Variants in NOS1 observed in about 807,000 individuals in gnomAD.
NOS1 encodes NOS type I.
In NOS1, 51 loss-of-function variants were observed where a neutral mutation model predicts 164.5. That is an observed-to-expected ratio of 0.31 (90% CI 0.25 to 0.39). The LOEUF is 0.39. Ranked by LOEUF, NOS1 falls within the 10% of genes least tolerant of loss-of-function variation. The pLI, the probability that NOS1 is intolerant of heterozygous loss-of-function variation, is 1.00. For missense variants in NOS1, 1,362 were observed against 1,885.6 expected, an observed-to-expected ratio of 0.72 and a Z score of 5.14; for synonymous variants, 719 against 745.8, an observed-to-expected ratio of 0.96 and a Z score of 0.59.
At position 117,208,821 on chromosome 12, in the gene NOS1, C is replaced by T; in HGVS notation, c.*6488G>A. 1 of 791,912 alleles carries T rather than the reference C, an allele frequency of 1.3e-6. No homozygotes were observed. The highest frequency in any genetic ancestry group is 1.5e-6 in the Non-Finnish European group (1 of 653,904). The allele number at this position is 791,912 out of a possible 1,614,324, so 49.1% of individuals were successfully genotyped here. On this transcript the variant is annotated 3_prime_UTR_variant, in exon 29 of 29. Coordinates refer to ENST00000317775, the MANE Select transcript of NOS1 (RefSeq NM_000620.5). ...CACTGCAGCCTCTGCCTCCTGGGTT[C>T]AAGTAATTCTCCTGCCTCAGCCTCC...
intron 3 of NOS1, among the ~76,000 whole-genome samples, chr12:117,301,415 T>A (rs1873806907): frequency 6.6e-6 from 1 of 152,184 alleles, no homozygotes; most frequent in South Asian, 2.1e-4. Context: ...AGGCATGAGC[T>A]ACACCTGGCC....
chr12:117,312,484 C>A (rs1044584190), intron 2 of NOS1, among the ~76,000 whole-genome samples: 7 of 152,192 alleles, frequency 4.6e-5, no homozygotes, highest in Admixed American at 2.6e-4. Flanking sequence ...GGCACAATCA[C>A]AACTCTCTGC....
At chr12:117,339,589 T>G in intron 1 of NOS1, among the ~76,000 whole-genome samples, 1 of 152,224 alleles carries the variant, frequency 6.6e-6, no homozygotes, top group East Asian at 1.9e-4. Context: ...CTTTGCAGGG[T>G]TCTGAATATC....
chr12:117,213,660 A>C lies in NOS1; in HGVS notation c.*1649T>G, dbSNP rs1956561236. 1.0e-6 allele frequency: 1 copy of C among 985,466 alleles called. No individual in the cohort carries two copies. The highest frequency in any genetic ancestry group is 1.7e-5 in the African/African-American group (1 of 57,374). The allele number at this position is 985,466 out of a possible 1,614,324, so 61.0% of individuals were successfully genotyped here. A position where few individuals can be genotyped will look rare whatever the true frequency, so the allele number is the denominator to read the frequency against. On this transcript the variant is annotated 3_prime_UTR_variant, in exon 29 of 29. Transcript: ENST00000317775. ...TAGCAGACACCCAAACTGAACAACAAGATATGCCCACGTACAGTATATAAA... is the reference window on the plus strand; with the variant it reads ...TAGCAGACACCCAAACTGAACAACACGATATGCCCACGTACAGTATATAAA...
At chr12:117,246,824 A>G (rs1404430668) in intron 18 of NOS1, among the ~76,000 whole-genome samples, 1 of 152,204 alleles carries the variant, frequency 6.6e-6, no homozygotes, top group Admixed American at 6.5e-5. Context: ...TTTTTTATGG[A>G]TGAAGAATAT....
At chr12:117,258,325 C>G in intron 16 of NOS1, 72 bp downstream of exon 16, 2 of 1,472,852 alleles carry the variant, frequency 1.4e-6, no homozygotes, top group Non-Finnish European at 9.5e-7. Flanking sequence ...AAATGTGAAC[C>G]CCAGGTGCCA....
At position 117,243,567 on chromosome 12, in the gene NOS1, A is replaced by ATCCG. The variant is rs888532119; in HGVS notation, c.2824-133_2824-132insCGGA. 2 of 808,256 alleles carry ATCCG rather than the reference A, an allele frequency of 2.5e-6. No individual in the cohort carries two copies. Among genetic ancestry groups the ATCCG allele is most frequent in the Non-Finnish European group, 3.9e-6 (2 of 515,554 alleles). The allele number at this position is 808,256 out of a possible 1,614,324, so 50.1% of individuals were successfully genotyped here. A position where few individuals can be genotyped will look rare whatever the true frequency, so the allele number is the denominator to read the frequency against. ...TATCCAACCATCCATCCATCCATCC[A>ATCCG]TCCATCCATCCATCCATCCATCCAG... On this transcript the variant is annotated intron_variant, in intron 18 of 28. Coordinates refer to ENST00000317775, the MANE Select transcript of NOS1 (RefSeq NM_000620.5). This position sits in a 1 kb window ranked among gnomAD's most constrained non-coding sequence, Gnocchi z 4.3.
rs1350043587 is a variant in NOS1 at position 117,268,134 on chromosome 12, T to C, written c.1850A>G (p.Lys617Arg). The C allele has an allele frequency of 1.2e-6, 2 of 1,613,166 alleles. No homozygotes were observed. The highest frequency in any genetic ancestry group is 3.3e-5 in the Admixed American group (2 of 60,022). The stretch of plus-strand genomic sequence containing the variant: ...CTTCCTCATGTCTAAGTTCATCTTC[T>C]TGGCCACTTCCTGAAAGAGGAAGGA... ...SRYNILEEVA[K>R]KMNLDMRKTS... The change falls in exon 11 of 29, where the codon AAG becomes AGG. Residue 617 changes from lysine (K) to arginine (R), a missense_variant. By Grantham distance (26) the Lys-to-Arg change is conservative. Coordinates refer to ENST00000317775, the MANE Select transcript of NOS1 (RefSeq NM_000620.5).
chr12:117,208,473 G>C lies in NOS1; in HGVS notation c.*6836C>G. On this transcript the variant is annotated 3_prime_UTR_variant, in exon 29 of 29. Coordinates refer to ENST00000317775, the MANE Select transcript of NOS1 (RefSeq NM_000620.5). ...CTCCCCAGCTTCCCAAGCCCGGAAC[G>C]GACACTGCGACGTGGGGTGCCCGGC... 1 of 1,270,324 alleles carries C rather than the reference G, an allele frequency of 7.9e-7. No homozygotes were observed. Among genetic ancestry groups the C allele is most frequent in the Non-Finnish European group, 1.0e-6 (1 of 977,708 alleles). The allele number at this position is 1,270,324 out of a possible 1,614,324, so 78.7% of individuals were successfully genotyped here.
intron 3 of NOS1, among the ~76,000 whole-genome samples, chr12:117,298,717 G>A (rs1011038090): frequency 1.3e-5 from 2 of 152,154 alleles, no homozygotes; most frequent in Non-Finnish European, 1.5e-5. Context: ...TACAAGCCAA[G>A]GAGGGAGGAC....
intron 1 of NOS1, among the ~76,000 whole-genome samples, chr12:117,354,370 C>G (rs1384843330): frequency 2.0e-5 from 3 of 152,072 alleles, no homozygotes; most frequent in African/African-American, 7.2e-5. Context: ...ATATTAGAAG[C>G]AAAATGATAA....
Position 117,234,121 on chromosome 12 carries a change from C to T in NOS1, c.3235+444G>A, listed in dbSNP as rs558545074. On this transcript the variant is annotated intron_variant, in intron 21 of 28. Coordinates refer to ENST00000317775, the MANE Select transcript of NOS1 (RefSeq NM_000620.5). The surrounding 1 kb of genome is among the most constrained non-coding windows in gnomAD (Gnocchi z 4.3). The stretch of plus-strand genomic sequence containing the variant: ...GAACTTGACCTAATGAGGTAAAAAA[C>T]GTGGGCTCAATCCCTAGTTGGCCAT... 2.0e-5 allele frequency among the ~76,000 whole-genome samples: 3 copies of T among 152,278 alleles called. No homozygotes were observed. Among genetic ancestry groups the T allele is most frequent in the East Asian group, 3.9e-4 (2 of 5,178 alleles).
intron 9 of NOS1, among the ~76,000 whole-genome samples, chr12:117,277,302 G>A (rs764664934): frequency 1.3e-5 from 2 of 151,866 alleles, no homozygotes; most frequent in East Asian, 3.9e-4. Flanking sequence ...TTGAAAATGT[G>A]GGTCAGGTAC....
intron 5 of NOS1, 86 bp downstream of exon 5, chr12:117,287,988 C>T (rs2136022192): frequency 2.0e-6 from 3 of 1,526,610 alleles, no homozygotes; most frequent in East Asian, 2.3e-5. Flanking sequence ...TGTGCCTTGG[C>T]CTTGGTTTGC....
intron 1 of NOS1, among the ~76,000 whole-genome samples, chr12:117,339,984 C>T (rs1199005023): frequency 6.6e-6 from 1 of 152,068 alleles, no homozygotes; most frequent in East Asian, 1.9e-4. Context: ...ATTGTATATT[C>T]CTTCATATTA....
At chr12:117,267,485 G>T (rs930849413) in intron 11 of NOS1, among the ~76,000 whole-genome samples, 22 of 152,046 alleles carry the variant, frequency 1.4e-4, no homozygotes, top group African/African-American at 5.1e-4. Flanking sequence ...TACTCAGGAG[G>T]CTGAGGCAGG....
Position 117,209,639 on chromosome 12 carries a change from A to T in NOS1, c.*5670T>A. The T allele has an allele frequency of 1.0e-6, 1 of 985,502 alleles. No individual in the cohort carries two copies. The highest frequency in any genetic ancestry group is 4.7e-5 in the South Asian group (1 of 21,292). The allele number at this position is 985,502 out of a possible 1,614,324, so 61.0% of individuals were successfully genotyped here. ...CAAACTCATATAAACATACTAAGGC[A>T]TATTGACAGCTGACCACCTCCCTCG... On this transcript the variant is annotated 3_prime_UTR_variant, in exon 29 of 29. Coordinates refer to ENST00000317775, the MANE Select transcript of NOS1 (RefSeq NM_000620.5).
At chr12:117,260,718 G>A in intron 13 of NOS1, 109 bp from the exon 14 acceptor site, 2 of 1,204,488 alleles carry the variant, frequency 1.7e-6, no homozygotes, top group Non-Finnish European at 2.3e-6. Context: ...TAACAGAAGA[G>A]AACTCTCTTG....
chr12:117,208,391 C>CGTGTGTGTGAGTGTGTGT lies in NOS1; in HGVS notation c.*6917_*6918insACACACACTCACACACAC, dbSNP rs1956472357. 1.2e-6 allele frequency: 1 copy of CGTGTGTGTGAGTGTGTGT among 804,546 alleles called. No individual in the cohort carries two copies. Among genetic ancestry groups the CGTGTGTGTGAGTGTGTGT allele is most frequent in the Non-Finnish European group, 1.7e-6 (1 of 582,414 alleles). The allele number at this position is 804,546 out of a possible 1,614,324, so 49.8% of individuals were successfully genotyped here. On this transcript the variant is annotated 3_prime_UTR_variant, in exon 29 of 29. Transcript: ENST00000317775. ...GGGGGGACGGCCGAGTTTCTGACAG[C>CGTGTGTGTGAGTGTGTGT]GTGTGTGTGTGTGTGTGTGTGTGTG...
Sources: gnomAD v4.1 joint callset for allele counts (sites outside exome capture counted in the v4.1 genomes callset) on GRCh38, gnomAD v4.1.1 for gene constraint, Gnocchi (gnomAD v3.1) non-coding constraint, MANE v1.5 for transcripts, NCBI Gene and HGNC (gene_info 2026-07-23, HGNC 2026-07-21) for gene names.